The following RYR3 variants were observed in gnomAD, a reference collection of about 807,000 sequenced individuals.
RYR3 encodes ryanodine receptor 3, also known as brain ryanodine receptor-calcium release channel.
Under a neutral mutation model 584.3 loss-of-function variants are expected in RYR3, and 207 were observed. The observed-to-expected ratio is 0.35, with a 90% confidence interval of 0.32 to 0.40. The LOEUF (loss-of-function observed/expected upper bound fraction) is 0.40, where lower values mean the gene tolerates loss of function less well. Ranked by LOEUF, RYR3 falls within the 10% of genes least tolerant of loss-of-function variation. RYR3 has a pLI of 1.00. For missense variants in RYR3, 5,616 were observed against 6,089.2 expected (o/e 0.92, Z 2.59); for synonymous variants, 2,416 against 2,248.5 (o/e 1.07, Z -2.11).
At chr15:33,669,296 T>G in intron 36 of RYR3, 58 bp from the exon 37 acceptor site, 1 of 1,372,114 alleles carries the variant, frequency 7.3e-7, no homozygotes. Context: ...AGGCAGGATC[T>G]GAGTTCCCTT....
chr15:33,804,517 C>A (rs984363088), intron 69 of RYR3, among the ~76,000 whole-genome samples: 3 of 152,232 alleles, frequency 2.0e-5, no homozygotes, highest in Non-Finnish European at 1.5e-5. Flanking sequence ...TACTTCCTGA[C>A]TTCTCCCAGC....
At chr15:33,489,767 A>C (rs2050808234) in intron 2 of RYR3, among the ~76,000 whole-genome samples, 1 of 152,168 alleles carries the variant, frequency 6.6e-6, no homozygotes, top group South Asian at 2.1e-4. Flanking sequence ...TTTAGCTGAG[A>C]CATCACCATG....
chr15:33,737,928 T>G (rs1409446121), intron 49 of RYR3, among the ~76,000 whole-genome samples: 2 of 151,786 alleles, frequency 1.3e-5, no homozygotes, highest in African/African-American at 4.8e-5. Flanking sequence ...CACTGGGGTG[T>G]GAGAGAGGGG....
At chr15:33,680,763 G>C (rs1007387948) in intron 38 of RYR3, among the ~76,000 whole-genome samples, 2 of 152,202 alleles carry the variant, frequency 1.3e-5, no homozygotes, top group African/African-American at 4.8e-5. Flanking sequence ...GCAAAAGCAG[G>C]GTTCTGTTAA....
At chr15:33,664,570 GAT>G (rs1377005795) in intron 36 of RYR3, among the ~76,000 whole-genome samples, 3 of 82,120 alleles carry the variant, frequency 3.7e-5, no homozygotes, top group Non-Finnish European at 7.4e-5. Flanking sequence ...TATATATATA[GAT>G]ATATGTGTGT....
chr15:33,357,493 A>G (rs564371624), intron 1 of RYR3, among the ~76,000 whole-genome samples: 1 of 152,218 alleles, frequency 6.6e-6, no homozygotes, highest in Non-Finnish European at 1.5e-5. Context: ...AAAACCTTCA[A>G]ATTTTAAAAT....
At chr15:33,435,773 G>A (rs970398716) in intron 1 of RYR3, among the ~76,000 whole-genome samples, 2 of 152,166 alleles carry the variant, frequency 1.3e-5, no homozygotes, top group Admixed American at 6.5e-5. Context: ...CAGTGTTACA[G>A]CTCTTAAAGG....
intron 10 of RYR3, among the ~76,000 whole-genome samples, chr15:33,557,351 C>T (rs554933507): frequency 3.3e-5 from 5 of 152,210 alleles, no homozygotes; most frequent in East Asian, 1.9e-4. Flanking sequence ...TGAACCAGAC[C>T]GGGGCAACTA....
intron 64 of RYR3, among the ~76,000 whole-genome samples, chr15:33,774,020 T>C (rs571631054): frequency 6.6e-4 from 100 of 152,358 alleles, no homozygotes; most frequent in Middle Eastern, 3.4e-3. Context: ...TGAGTTTCTG[T>C]GTGCTACAAC....
intron 46 of RYR3, 113 bp downstream of exon 46, chr15:33,726,619 C>A: frequency 8.6e-7 from 1 of 1,158,348 alleles, no homozygotes; most frequent in Non-Finnish European, 1.2e-6. Context: ...GGGCGGGCTG[C>A]ACAGGGCAAG....
intron 1 of RYR3, among the ~76,000 whole-genome samples, chr15:33,348,532 A>G (rs774629643): frequency 6.6e-6 from 1 of 151,978 alleles, no homozygotes; most frequent in Non-Finnish European, 1.5e-5. Context: ...CTGGAGTGCA[A>G]TGGCATGATC....
Position 33,812,874 on chromosome 15 carries a change from A to T in RYR3, c.10269A>T (p.Pro3423=), listed in dbSNP as rs1182854700. The stretch of plus-strand genomic sequence containing the variant: ...GCTTCAATTTTCAGTCTGATGACCC[A>T]GCTGTAAAATGGCAACTGAACCTCT... ...NLHLQEKSDD[P]AVKWQLNLYK... Residue 3423 remains proline, a synonymous_variant, in exon 73 of 104, where the codon CCA becomes CCT. Coordinates refer to ENST00000634891, the MANE Select transcript of RYR3 (RefSeq NM_001036.6). The T allele has an allele frequency of 5.0e-6, 8 of 1,613,896 alleles. No individual in the cohort carries two copies. The highest frequency in any genetic ancestry group is 4.2e-6 in the Non-Finnish European group (5 of 1,179,796).
chr15:33,434,502 T>A (rs2141780283), intron 1 of RYR3, among the ~76,000 whole-genome samples: 1 of 152,336 alleles, frequency 6.6e-6, no homozygotes, highest in East Asian at 1.9e-4. Context: ...TATAGAACAA[T>A]ATTAACCAAT....
In RYR3 at chr15:33,331,189, A is replaced by G. The variant is rs370805514; in HGVS notation, c.51+20093A>G. On this transcript the variant is annotated intron_variant, in intron 1 of 103. Transcript: ENST00000634891. ...CTAAAGTTAACTTTTTTCTCGACAA[A>G]TATACTTTGGACCTTTTGAAAGAGT... 1.6e-4 allele frequency among the ~76,000 whole-genome samples: 25 copies of G among 152,316 alleles called. No homozygotes were observed. In the East Asian group the frequency reaches 2.9e-3, roughly 18 times the overall value.
chr15:33,397,247 T>C (rs2042354102), intron 1 of RYR3, among the ~76,000 whole-genome samples: 1 of 152,190 alleles, frequency 6.6e-6, no homozygotes, highest in African/African-American at 2.4e-5. Context: ...GATAGGACTT[T>C]ATGCTGAACA....
intron 57 of RYR3, among the ~76,000 whole-genome samples, chr15:33,754,038 G>A (rs532155048): frequency 4.6e-5 from 7 of 152,198 alleles, no homozygotes; most frequent in Admixed American, 2.0e-4. Flanking sequence ...CCAGCTACTC[G>A]GGAGGCTGAG....
intron 9 of RYR3, among the ~76,000 whole-genome samples, chr15:33,549,500 G>A (rs191494872): frequency 2.0e-5 from 3 of 152,314 alleles, no homozygotes; most frequent in Non-Finnish European, 4.4e-5. Context: ...AGATTATTCA[G>A]TGGATAATTT....
intron 98 of RYR3, 25 bp downstream of exon 98, chr15:33,854,937 A>C (rs1428312295): frequency 1.9e-6 from 3 of 1,595,160 alleles, no homozygotes; most frequent in Non-Finnish European, 2.6e-6. Context: ...GATGCAGAAC[A>C]GAATGGACCT....
intron 1 of RYR3, among the ~76,000 whole-genome samples, chr15:33,336,911 A>T (rs1331948699): frequency 6.7e-6 from 1 of 150,092 alleles, no homozygotes; most frequent in Non-Finnish European, 1.5e-5. Flanking sequence ...AAAAAAAATT[A>T]GCCGGGCGTG....
Sources: allele counts gnomAD v4.1 joint callset (sites outside exome capture counted in the v4.1 genomes callset), GRCh38; gene constraint gnomAD v4.1.1; transcripts MANE v1.5; gene names NCBI Gene and HGNC (gene_info 2026-07-23, HGNC 2026-07-21).